Variants in CDS1 observed in about 807,000 individuals in gnomAD.
CDS1 encodes CDP-diacylglycerol synthase 1, also known as phosphatidate cytidylyltransferase 1.
In CDS1, 41 loss-of-function variants were observed where a neutral mutation model predicts 62.1. That is an observed-to-expected ratio of 0.66 (90% CI 0.51 to 0.86). The LOEUF (loss-of-function observed/expected upper bound fraction) is 0.86, where lower values mean the gene tolerates loss of function less well. Ranked by LOEUF, CDS1 falls within the 40% of genes least tolerant of loss-of-function variation. CDS1 has a pLI of 0.00. For missense variants in CDS1, 470 were observed against 550.1 expected (o/e 0.85, Z 1.46); for synonymous variants, 185 against 192.6 (o/e 0.96, Z 0.32).
rs576527849 is a variant in CDS1 at position 84,595,304 on chromosome 4, C to T, written c.118-8939C>T. The stretch of plus-strand genomic sequence containing the variant: ...ACCTCCTGTCCTATCGTGGCTGGAA[C>T]TCAGTTTCCGAAGTTTCTCTGGTGT... On this transcript the variant is annotated intron_variant, in intron 1 of 12. Transcript: ENST00000295887. Among the ~76,000 whole-genome samples the T allele has an allele frequency of 1.2e-3, 187 of 152,300 alleles. 6 individuals carry two copies. In the South Asian group the frequency reaches 0.036, roughly 29 times the overall value.
chr4:84,637,880 G>A (rs1724261861), intron 8 of CDS1, among the ~76,000 whole-genome samples: 1 of 152,136 alleles, frequency 6.6e-6, no homozygotes, highest in Admixed American at 6.5e-5. Context: ...GGCAGTGATA[G>A]TGAATTACCC....
At position 84,650,669 on chromosome 4, in the gene CDS1, A is replaced by G. The variant is rs183418247; in HGVS notation, c.*1983A>G. On this transcript the variant is annotated 3_prime_UTR_variant, in exon 13 of 13. Transcript: ENST00000295887. ...TGAATATGTGTGTTATAAAATCAAT[A>G]TTATTATAAACAAAATAGGAAGCTA... The G allele has an allele frequency of 6.6e-6, 1 of 152,340 alleles. No homozygotes were observed. The highest frequency in any genetic ancestry group is 6.5e-5 in the Admixed American group (1 of 15,302). 9.4% of individuals were successfully genotyped at this position (152,340 alleles called of 1,614,324 possible). A position where few individuals can be genotyped will look rare whatever the true frequency, so the allele number is the denominator to read the frequency against.
chr4:84,611,463 A>G (rs1050492148), intron 3 of CDS1, among the ~76,000 whole-genome samples: 34 of 152,132 alleles, frequency 2.2e-4, no homozygotes, highest in African/African-American at 7.7e-4. Flanking sequence ...TTCTATTCAT[A>G]GCTCATAAGC....
chr4:84,646,754 A>G (rs2148662360), intron 12 of CDS1, among the ~76,000 whole-genome samples: 1 of 152,190 alleles, frequency 6.6e-6, no homozygotes, highest in Non-Finnish European at 1.5e-5. Flanking sequence ...TTTGGGTTGT[A>G]GTTTTGTCTG....
At chr4:84,631,302 C>T (rs1724011494) in intron 5 of CDS1, among the ~76,000 whole-genome samples, 1 of 151,848 alleles carries the variant, frequency 6.6e-6, no homozygotes, top group Non-Finnish European at 1.5e-5. Context: ...AAAATGAGTA[C>T]CTATATTATA....
intron 4 of CDS1, among the ~76,000 whole-genome samples, chr4:84,618,414 A>G (rs768258432): frequency 6.6e-6 from 1 of 152,264 alleles, no homozygotes; most frequent in Non-Finnish European, 1.5e-5. Context: ...AATTAAATGT[A>G]AAACCATGCA....
intron 1 of CDS1, among the ~76,000 whole-genome samples, chr4:84,593,067 G>T (rs1722639945): frequency 6.6e-6 from 1 of 152,228 alleles, no homozygotes; most frequent in South Asian, 2.1e-4. Flanking sequence ...GTCTTTCAAG[G>T]TTGTGCTTTT....
chr4:84,621,531 C>T (rs1273575365), intron 5 of CDS1, among the ~76,000 whole-genome samples: 1 of 152,140 alleles, frequency 6.6e-6, no homozygotes, highest in Non-Finnish European at 1.5e-5. Flanking sequence ...AGGAGGAATA[C>T]ATTTTCGAAT....
chr4:84,638,673 A>G (rs1410339129), intron 8 of CDS1, among the ~76,000 whole-genome samples: 5 of 152,160 alleles, frequency 3.3e-5, no homozygotes, highest in Non-Finnish European at 7.3e-5. Context: ...ACCATTTAAC[A>G]TGAACAAACA....
chr4:84,592,839 A>T (rs549615256), intron 1 of CDS1, among the ~76,000 whole-genome samples: 1 of 152,282 alleles, frequency 6.6e-6, no homozygotes, highest in South Asian at 2.1e-4. Flanking sequence ...TGCAAGGCTG[A>T]TGTAGCCAAT....
At chr4:84,637,398 G>A (rs1251001918) in intron 8 of CDS1, among the ~76,000 whole-genome samples, 2 of 152,134 alleles carry the variant, frequency 1.3e-5, no homozygotes, top group Non-Finnish European at 2.9e-5. Context: ...GGAAACTTAT[G>A]ATCTTGGCGG....
intron 2 of CDS1, among the ~76,000 whole-genome samples, chr4:84,607,571 C>T (rs1723168384): frequency 2.6e-5 from 4 of 151,560 alleles, no homozygotes; most frequent in Admixed American, 2.0e-4. Flanking sequence ...AATTCTATAC[C>T]TTATGAAGGC....
chr4:84,629,087 T>C (rs1045789053), intron 5 of CDS1, among the ~76,000 whole-genome samples: 1 of 152,220 alleles, frequency 6.6e-6, no homozygotes. Flanking sequence ...GAAATAGTTA[T>C]ACAAGCATTC....
chr4:84,648,455 A>G, intron 12 of CDS1, 102 bp from the exon 13 acceptor site: 1 of 1,054,656 alleles, frequency 9.5e-7, no homozygotes, highest in East Asian at 2.5e-5. Flanking sequence ...AAAGATTCCT[A>G]CTCTACACTT....
chr4:84,640,099 G>A (rs971513980), intron 9 of CDS1, among the ~76,000 whole-genome samples: 5 of 146,312 alleles, frequency 3.4e-5, no homozygotes, highest in African/African-American at 5.0e-5. Flanking sequence ...AAATAATGAG[G>A]AAGGAAATTC....
chr4:84,616,523 TA>T (rs1489517172), intron 3 of CDS1, among the ~76,000 whole-genome samples: 2 of 152,200 alleles, frequency 1.3e-5, no homozygotes, highest in East Asian at 3.8e-4. Context: ...TTTTAGGCTT[TA>T]AGGAGCTGCA....
At chr4:84,631,493 T>C (rs559668961) in intron 5 of CDS1, among the ~76,000 whole-genome samples, 2 of 152,344 alleles carry the variant, frequency 1.3e-5, no homozygotes, top group African/African-American at 4.8e-5. Flanking sequence ...TGCATTGTTA[T>C]AGCAAATAAA....
intron 1 of CDS1, among the ~76,000 whole-genome samples, chr4:84,587,323 A>T (rs1471540025): frequency 6.6e-6 from 1 of 152,206 alleles, no homozygotes; most frequent in Non-Finnish European, 1.5e-5. Flanking sequence ...TAGTTTTATA[A>T]TAGTTACCTT....
At chr4:84,600,969 G>A (rs1482630118) in intron 1 of CDS1, among the ~76,000 whole-genome samples, 2 of 151,972 alleles carry the variant, frequency 1.3e-5, no homozygotes, top group Non-Finnish European at 2.9e-5. Flanking sequence ...AGGAGTTCAA[G>A]ACCAGCCTGG....
Sources: allele counts gnomAD v4.1 joint callset (sites outside exome capture counted in the v4.1 genomes callset), GRCh38; gene constraint gnomAD v4.1.1; transcripts MANE v1.5; gene names NCBI Gene and HGNC (gene_info 2026-07-23, HGNC 2026-07-21).